MTMR4: variants seen among roughly 807,000 people sequenced by gnomAD.
MTMR4 encodes myotubularin related protein 4.
A neutral mutation model predicts 125.5 loss-of-function variants in MTMR4; 30 were observed. The ratio of observed to expected loss-of-function variants is 0.24; its 90% CI spans 0.18 to 0.32. The LOEUF is 0.32. Ranked by LOEUF, MTMR4 falls within the 10% of genes least tolerant of loss-of-function variation. The probability of loss-of-function intolerance (pLI) is 1.00; values close to 1 mark genes in which losing one functional copy is unlikely to be tolerated. For missense variants in MTMR4, 1,039 were observed against 1,511.5 expected (o/e 0.69, Z 5.18); for synonymous variants, 498 against 564.5 (o/e 0.88, Z 1.67).
intron 14 of MTMR4, among the ~76,000 whole-genome samples, chr17:58,498,185 C>T (rs1975521683): frequency 6.6e-6 from 1 of 151,992 alleles, no homozygotes; most frequent in Non-Finnish European, 1.5e-5. Flanking sequence ...TTGCAGTGAG[C>T]CGAGATCGCA....
chr17:58,498,816 G>A (rs1975542944), intron 14 of MTMR4, among the ~76,000 whole-genome samples: 1 of 152,066 alleles, frequency 6.6e-6, no homozygotes, highest in Non-Finnish European at 1.5e-5. Flanking sequence ...ACCTTTCAAT[G>A]TCTATTAGTG....
intron 10 of MTMR4, 46 bp from the exon 11 acceptor site, chr17:58,505,020 C>T: frequency 1.3e-6 from 2 of 1,532,988 alleles, no homozygotes; most frequent in South Asian, 2.5e-5. Flanking sequence ...GTGCTGAGGC[C>T]ACAGCAGTCT....
At position 58,512,323 on chromosome 17, in the gene MTMR4, G is replaced by C; in HGVS notation, c.252+67C>G. On this transcript the variant is annotated intron_variant, in intron 3 of 17. Coordinates refer to ENST00000682306, the MANE Select transcript of MTMR4 (RefSeq NM_001378067.1). This position sits in a 1 kb window ranked among gnomAD's most constrained non-coding sequence, Gnocchi z 4.1. Reference sequence around the variant, plus strand: ...AATGACATGATCAAGGACAGCCTTGGAACAATCCCACCTTGAACTTCATAG... The same window carrying C: ...AATGACATGATCAAGGACAGCCTTGCAACAATCCCACCTTGAACTTCATAG... 7.3e-7 allele frequency: 1 copy of C among 1,360,720 alleles called. No homozygotes were observed. Among genetic ancestry groups the C allele is most frequent in the Non-Finnish European group, 1.1e-6 (1 of 951,360 alleles). 84.3% of individuals were successfully genotyped at this position (1,360,720 alleles called of 1,614,324 possible). A position where few individuals can be genotyped will look rare whatever the true frequency, so the allele number is the denominator to read the frequency against.
rs1975454163 is a variant in MTMR4 at position 58,495,959 on chromosome 17, G to C, written c.2225C>G (p.Thr742Ser). 1.2e-6 allele frequency: 2 copies of C among 1,614,038 alleles called. No homozygotes were observed. The highest frequency in any genetic ancestry group is 2.7e-5 in the African/African-American group (2 of 74,908). ...SDPEIKVLEE[T>S]KGPAPDPSAQ... ...AGAAGGGTCTGGAGCTGGTCCCTTA[G>C]TCTCTTCTAGGACTTTGATCTCAGG... The change falls in exon 15 of 18, where the codon ACT (threonine) becomes AGT (serine). Residue 742 changes from threonine to serine, a missense_variant. By Grantham distance (58) the Thr-to-Ser change is moderately conservative. Transcript: ENST00000682306.
chr17:58,508,086 C>G lies in MTMR4; in HGVS notation c.707+75G>C, dbSNP rs1975824667. On this transcript the variant is annotated intron_variant, in intron 7 of 17. Transcript: ENST00000682306. The surrounding 1 kb of genome is among the most constrained non-coding windows in gnomAD (Gnocchi z 4.8). The stretch of plus-strand genomic sequence containing the variant: ...GTCAATTCTCAGTCAACCAGGTTAC[C>G]CAAAATCTCCAATTTTGACTCTTTC... 4 of 1,139,880 alleles carry G rather than the reference C, an allele frequency of 3.5e-6. No homozygotes were observed. Among genetic ancestry groups the G allele is most frequent in the Non-Finnish European group, 5.2e-6 (4 of 764,602 alleles). 70.6% of individuals were successfully genotyped at this position (1,139,880 alleles called of 1,614,324 possible).
At chr17:58,498,787 A>C (rs1975542184) in intron 14 of MTMR4, among the ~76,000 whole-genome samples, 1 of 152,182 alleles carries the variant, frequency 6.6e-6, no homozygotes, top group African/African-American at 2.4e-5. Context: ...CTTTCTCCCC[A>C]AACTGGCTGG....
chr17:58,504,106 G>A lies in MTMR4; in HGVS notation c.1642C>T (p.Leu548Phe). ...TGAAAGTTTTTATTGCCAGCTCGAA[G>A]GAGCGCCCACACAGAGCAGGTCCGC... ...YKRTCSVWAL[L>F]RAGNKNFHNF... Residue 548 changes from leucine to phenylalanine, a missense_variant, in exon 13 of 18, where the codon CTT becomes TTT. This residue lies in a region of MTMR4 where 619 missense variants were observed against 714.5 expected (regional missense o/e 0.87). Coordinates refer to ENST00000682306, the MANE Select transcript of MTMR4 (RefSeq NM_001378067.1). The surrounding 1 kb of genome is among the most constrained non-coding windows in gnomAD (Gnocchi z 7.1). 6.3e-7 allele frequency: 1 copy of A among 1,596,800 alleles called. No individual in the cohort carries two copies. Among genetic ancestry groups the A allele is most frequent in the South Asian group, 1.1e-5 (1 of 88,606 alleles).
In MTMR4 at chr17:58,503,735, T is replaced by C; in HGVS notation, c.1853+9A>G. ...GGAGAGAGGAGAAAGGAAGAAGGGCTTTTCTTACCTGTCCAGAGAGCGGCC... is the reference window on the plus strand; with the variant it reads ...GGAGAGAGGAGAAAGGAAGAAGGGCCTTTCTTACCTGTCCAGAGAGCGGCC... On this transcript the variant is annotated intron_variant, in intron 14 of 17. Transcript: ENST00000682306. 1 of 1,609,112 alleles carries C rather than the reference T, an allele frequency of 6.2e-7. No homozygotes were observed. The highest frequency in any genetic ancestry group is 1.1e-5 in the South Asian group (1 of 90,598).
chr17:58,509,515 C>T (rs1198101206), intron 4 of MTMR4, among the ~76,000 whole-genome samples: 2 of 150,800 alleles, frequency 1.3e-5, no homozygotes, highest in African/African-American at 4.9e-5. Context: ...ACCTCCTGGG[C>T]TCAGGCAATC....
chr17:58,506,183 C>T (rs962608431), intron 9 of MTMR4, among the ~76,000 whole-genome samples: 2 of 152,092 alleles, frequency 1.3e-5, no homozygotes, highest in Non-Finnish European at 2.9e-5. Flanking sequence ...TTTATATATA[C>T]AACTTCTTTT....
chr17:58,497,682 A>C (rs566101563), intron 14 of MTMR4, among the ~76,000 whole-genome samples: 1 of 152,252 alleles, frequency 6.6e-6, no homozygotes, highest in Admixed American at 6.5e-5. Context: ...ACCAGGGGCA[A>C]ATGACTTGAG....
At chr17:58,502,712 T>C (rs371631863) in intron 14 of MTMR4, among the ~76,000 whole-genome samples, 1 of 152,224 alleles carries the variant, frequency 6.6e-6, no homozygotes, top group East Asian at 1.9e-4. Flanking sequence ...AAAAATATTC[T>C]GATTTTGTTT....
At position 58,508,983 on chromosome 17, in the gene MTMR4, G is replaced by C. The variant is rs990541960; in HGVS notation, c.336-142C>G. On this transcript the variant is annotated intron_variant, in intron 4 of 17. Transcript: ENST00000682306. The surrounding 1 kb of genome is among the most constrained non-coding windows in gnomAD (Gnocchi z 4.8). ...AGGTAAAGCAGTGGGGACCCAGGGT[G>C]GGGGGACGAGGGACACTGGCCAACA... is the stretch of plus-strand genomic sequence containing the variant. 2 of 801,850 alleles carry C rather than the reference G, an allele frequency of 2.5e-6. No individual in the cohort carries two copies. The highest frequency in any genetic ancestry group is 3.9e-6 in the Non-Finnish European group (2 of 515,666). The allele number at this position is 801,850 out of a possible 1,614,324, so 49.7% of individuals were successfully genotyped here.
intron 4 of MTMR4, chr17:58,511,194 T>C (rs1975920451): frequency 2.4e-6 from 1 of 415,998 alleles, no homozygotes; most frequent in Non-Finnish European, 4.3e-6. Flanking sequence ...ATACACATTA[T>C]CTCACTTAAT....
At position 58,494,995 on chromosome 17, in the gene MTMR4, C is replaced by T; in HGVS notation, c.3189G>A (p.Arg1063=). ...LRRQVRELQM[R]LDIRHCCAPP... The stretch of plus-strand genomic sequence containing the variant: ...GGGCACAGCAGTGACGGATGTCCAG[C>T]CTCATCTGAAGCTCACGCACCTGTC... Residue 1063 remains arginine, a synonymous_variant, in exon 15 of 18, where the codon AGG becomes AGA. Transcript: ENST00000682306. The T allele has an allele frequency of 6.2e-7, 1 of 1,614,210 alleles. No homozygotes were observed. Among genetic ancestry groups the T allele is most frequent in the Non-Finnish European group, 8.5e-7 (1 of 1,180,038 alleles).
At position 58,495,709 on chromosome 17, in the gene MTMR4, G is replaced by C; in HGVS notation, c.2475C>G (p.Leu825=). The change falls in exon 15 of 18, where the codon CTC becomes CTG. Residue 825 remains leucine, a synonymous_variant. Coordinates refer to ENST00000682306, the MANE Select transcript of MTMR4 (RefSeq NM_001378067.1). ...VPSKCVLDHS[L]STVCNPPSAA... is the part of the protein sequence containing the mutation. ...CACTCGGTGGGTTGCAAACGGTGCT[G>C]AGGCTGTGATCAAGAACACACTTGG... The C allele has an allele frequency of 6.2e-7, 1 of 1,614,174 alleles. No individual in the cohort carries two copies. The highest frequency in any genetic ancestry group is 8.5e-7 in the Non-Finnish European group (1 of 1,180,050).
rs2143853340 is a variant in MTMR4, at chr17:58,496,284, T to A, written c.1900A>T (p.Thr634Ser). The change falls in exon 15 of 18, where the codon ACA becomes TCA. Residue 634 changes from threonine to serine, a missense_variant. Coordinates refer to ENST00000682306, the MANE Select transcript of MTMR4 (RefSeq NM_001378067.1). ...SMDDLLSACD[T>S]SSPLTRTSSD... ...GATGTACGAGTCAGGGGGCTGCTTG[T>A]GTCACAGGCAGAAAGAAGATCATCC... The A allele has an allele frequency of 6.2e-7, 1 of 1,612,630 alleles. No homozygotes were observed. The highest frequency in any genetic ancestry group is 2.2e-5 in the East Asian group (1 of 44,872).
chr17:58,516,508 G>T (rs1377904970), upstream of MTMR4: 11 of 1,531,576 alleles, frequency 7.2e-6, no homozygotes, highest in East Asian at 1.8e-4. Flanking sequence ...TAGGACAGGT[G>T]GGGCAGCTTC....
upstream of MTMR4, chr17:58,516,514 G>A: frequency 6.4e-7 from 1 of 1,572,390 alleles, no homozygotes. Context: ...AGGTGGGGCA[G>A]CTTCACAGAG....
Sources: gnomAD v4.1 joint callset for allele counts (sites outside exome capture counted in the v4.1 genomes callset) on GRCh38, gnomAD v4.1.1 for gene constraint, gnomAD v4.1.1 regional missense constraint, Gnocchi (gnomAD v3.1) non-coding constraint, MANE v1.5 for transcripts, NCBI Gene and HGNC (gene_info 2026-07-23, HGNC 2026-07-21) for gene names.